Variants in NBPF11 observed in about 807,000 individuals in gnomAD.
NBPF11 encodes NBPF family member NBPF11.
A neutral mutation model predicts 93.9 loss-of-function variants in NBPF11; 72 were observed. The observed-to-expected ratio is 0.77, with a 90% CI of 0.63 to 0.93. The LOEUF (loss-of-function observed/expected upper bound fraction) is 0.93. Ranked by LOEUF, NBPF11 falls within the 40% of genes least tolerant of loss-of-function variation. The probability of loss-of-function intolerance (pLI) is 0.00; values close to 1 mark genes in which losing one functional copy is unlikely to be tolerated. For synonymous variants in NBPF11, 224 were observed against 304.9 expected (o/e 0.73, Z 2.76); for missense variants, 705 against 802.2 (o/e 0.88, Z 1.46).
chr1:148,141,696 T>A (rs1672197284), intron 2 of NBPF11, among the ~76,000 whole-genome samples: 1 of 151,622 alleles, frequency 6.6e-6, no homozygotes, highest in Non-Finnish European at 1.5e-5. Flanking sequence ...CAGTTCAGGG[T>A]TCTGGTAAGG....
intron 1 of NBPF11, among the ~76,000 whole-genome samples, chr1:148,151,136 C>T (rs1648208815): frequency 6.6e-6 from 1 of 151,886 alleles, no homozygotes; most frequent in African/African-American, 2.4e-5. Flanking sequence ...ACAGAAAAAT[C>T]ACAGCAACTC....
rs1220187372 is a variant in NBPF11, at chr1:148,146,990, G to T, written c.-548-3304C>A. On this transcript the variant is annotated intron_variant, in intron 1 of 23. Coordinates refer to ENST00000682118, the MANE Select transcript of NBPF11 (RefSeq NM_001385469.3). ...AGGGGACCAGGCGGGGGGCCGGGGG[G>T]CGGGCTTCCCTGGGAGGAAGGTGGG... 642 of 1,459,028 alleles carry T rather than the reference G, an allele frequency of 4.4e-4. 2 individuals are homozygous for T. The Middle Eastern group carries it at 4.6e-3, about 10-fold the overall frequency. The allele number at this position is 1,459,028 out of a possible 1,614,324, so 90.4% of individuals were successfully genotyped here.
chr1:148,134,911 C>A (rs1257078935), intron 4 of NBPF11, among the ~76,000 whole-genome samples: 1 of 151,964 alleles, frequency 6.6e-6, no homozygotes, highest in Non-Finnish European at 1.5e-5. Context: ...AGCCCACAAG[C>A]CTCAACCATG....
chr1:148,103,692 T>A lies in NBPF11; in HGVS notation c.*204A>T, dbSNP rs1171103788. Reference sequence around the variant, plus strand: ...GCTTATTGTGGGAATATGACTCCCATCTGGAAGACCAGGTGGAGACTTCTC... The same window carrying A: ...GCTTATTGTGGGAATATGACTCCCAACTGGAAGACCAGGTGGAGACTTCTC... On this transcript the variant is annotated 3_prime_UTR_variant, in exon 24 of 24. Transcript: ENST00000682118. 1.2e-6 allele frequency: 2 copies of A among 1,611,180 alleles called. No individual in the cohort carries two copies. The highest frequency in any genetic ancestry group is 2.7e-5 in the African/African-American group (2 of 74,744).
rs1452336057 is a variant in NBPF11 at position 148,107,541 on chromosome 1, G to T, written c.2078+170C>A. 9.8e-5 allele frequency among the ~76,000 whole-genome samples: 15 copies of T among 152,356 alleles called. No individual in the cohort carries two copies. The East Asian group carries it at 1.7e-3, about 18-fold the overall frequency. On this transcript the variant is annotated intron_variant, in intron 19 of 23. Transcript: ENST00000682118. ...AGTAAGTTAGTAAATGACAAGGGGA[G>T]GAAGAAATGGAAACCTAAACATCTA...
intron 18 of NBPF11, 149 bp downstream of exon 18, chr1:148,108,333 A>G (rs2149179316): frequency 1.5e-6 from 1 of 663,050 alleles, no homozygotes; most frequent in East Asian, 2.7e-5. Flanking sequence ...TTCCAAGTGG[A>G]ACTAGAGTTT....
intron 1 of NBPF11, 23 bp from the exon 2 acceptor site, chr1:148,143,709 C>A (rs1672547401): frequency 6.3e-6 from 1 of 157,524 alleles, no homozygotes; most frequent in East Asian, 1.8e-4. Flanking sequence ...AGAGAGAAAT[C>A]AAGGTTAACA....
intron 1 of NBPF11, among the ~76,000 whole-genome samples, chr1:148,149,752 G>C (rs1234651253): frequency 7.2e-6 from 1 of 139,388 alleles, no homozygotes; most frequent in African/African-American, 2.7e-5. Context: ...GAAGCAAGAA[G>C]AAAATACGTG....
rs782740427 is a variant in NBPF11 at position 148,121,348 on chromosome 1, C to CTT, written c.779-640_779-639dup. 3.5e-4 allele frequency among the ~76,000 whole-genome samples: 44 copies of CTT among 124,876 alleles called. 2 individuals are homozygous for CTT. In the East Asian group the frequency reaches 5.9e-3, roughly 17 times the overall value. 81.9% of individuals were successfully genotyped at this position (124,876 alleles called of 152,430 possible). A position where few individuals can be genotyped will look rare whatever the true frequency, so the allele number is the denominator to read the frequency against. On this transcript the variant is annotated intron_variant, in intron 9 of 23. Coordinates refer to ENST00000682118, the MANE Select transcript of NBPF11 (RefSeq NM_001385469.3). ...GTGAGCCAGCGTCCCTGGTCAGAGA[C>CTT]TTTTTTTTTTTTTTTTTGAGATGCA...
At chr1:148,142,460 C>G (rs1221836575) in intron 2 of NBPF11, among the ~76,000 whole-genome samples, 1 of 151,142 alleles carries the variant, frequency 6.6e-6, no homozygotes. Context: ...CAGGCCGCAA[C>G]CTTCCCTGCT....
chr1:148,107,685 A>C (rs878883288), intron 19 of NBPF11, 26 bp downstream of exon 19: 1 of 775,168 alleles, frequency 1.3e-6, no homozygotes, highest in South Asian at 1.3e-5. Flanking sequence ...ACACAGAATT[A>C]AGCATCCATA....
intron 15 of NBPF11, among the ~76,000 whole-genome samples, chr1:148,113,304 C>G (rs796613658): frequency 8.0e-5 from 12 of 150,708 alleles, no homozygotes; most frequent in African/African-American, 1.5e-4. Flanking sequence ...AGCAAAAAAA[C>G]GCAGGGGTTG....
rs1391389295 is a variant in NBPF11, at chr1:148,103,680, A to C, written c.*216T>G. 9.3e-6 allele frequency: 15 copies of C among 1,611,236 alleles called. No homozygotes were observed. The African/African-American group carries it at 1.6e-4, about 17-fold the overall frequency. On this transcript the variant is annotated 3_prime_UTR_variant, in exon 24 of 24. Transcript: ENST00000682118. ...TTAGTAAGGGCTGCTTATTGTGGGA[A>C]TATGACTCCCATCTGGAAGACCAGG... is the stretch of plus-strand genomic sequence containing the variant.
In NBPF11 at chr1:148,150,918, G is replaced by A. The variant is rs1254386693; in HGVS notation, c.-549+832C>T. ...AATTTTTTGTATTTTCAGTAGAGAC[G>A]GGGTTTCACTGTGTTAGCCAGGATG... On this transcript the variant is annotated intron_variant, in intron 1 of 23. Coordinates refer to ENST00000682118, the MANE Select transcript of NBPF11 (RefSeq NM_001385469.3). Among the ~76,000 whole-genome samples the A allele has an allele frequency of 1.1e-4, 17 of 151,814 alleles. 2 individuals are homozygous for A. In the South Asian group the frequency reaches 3.1e-3, roughly 28 times the overall value.
At chr1:148,110,349 C>T (rs1202791411) in intron 16 of NBPF11, 29 bp downstream of exon 16, 1 of 1,569,422 alleles carries the variant, frequency 6.4e-7, no homozygotes, top group Non-Finnish European at 8.7e-7. Flanking sequence ...TGAACTGGAG[C>T]TTTATCACCT....
chr1:148,125,144 C>G (rs77423368), intron 5 of NBPF11, 143 bp from the exon 6 acceptor site: 28,428 of 829,454 alleles, frequency 0.034, 599 homozygotes, highest in Middle Eastern at 0.059. Context: ...CACATCTTTA[C>G]TCTTCAGTCT....
Position 148,103,753 on chromosome 1 carries a change from G to C in NBPF11, c.*143C>G. Reference sequence around the variant, plus strand: ...TAAAAAACCTATTGTCCATGTCAAGGGCAAAGCTGATGTGCTGTTCCTCAA... The same window carrying C: ...TAAAAAACCTATTGTCCATGTCAAGCGCAAAGCTGATGTGCTGTTCCTCAA... On this transcript the variant is annotated 3_prime_UTR_variant, in exon 24 of 24. Transcript: ENST00000682118. 1 of 1,611,764 alleles carries C rather than the reference G, an allele frequency of 6.2e-7. No homozygotes were observed. The highest frequency in any genetic ancestry group is 1.1e-5 in the South Asian group (1 of 90,998).
chr1:148,143,182 T>C (rs1245035926), intron 2 of NBPF11, among the ~76,000 whole-genome samples: 1 of 151,910 alleles, frequency 6.6e-6, no homozygotes, highest in Admixed American at 6.5e-5. Context: ...GAAGAGAACA[T>C]GTCCTCTCCT....
At chr1:148,137,247 T>C (rs1671453063) in intron 3 of NBPF11, among the ~76,000 whole-genome samples, 1 of 151,660 alleles carries the variant, frequency 6.6e-6, no homozygotes, top group African/African-American at 2.4e-5. Flanking sequence ...AGGTGGGAGC[T>C]TGAGAAGGAC....
Sources: gnomAD v4.1 joint callset for allele counts (sites outside exome capture counted in the v4.1 genomes callset) on GRCh38, gnomAD v4.1.1 for gene constraint, MANE v1.5 for transcripts, NCBI Gene and HGNC (gene_info 2026-07-23, HGNC 2026-07-21) for gene names.